The following UFSP2 variants were observed in gnomAD, a reference collection of about 807,000 sequenced individuals.
UFSP2 encodes UFM1 specific peptidase 2, also known as ufm1-specific protease 2.
Under a neutral mutation model 60.2 loss-of-function variants are expected in UFSP2, and 43 were observed. The ratio of observed to expected loss-of-function variants is 0.71; its 90% confidence interval spans 0.56 to 0.92. UFSP2 has a LOEUF of 0.92. UFSP2 is among the 40% of genes least tolerant of loss of function. The pLI is 0.00. For missense variants in UFSP2, 520 were observed against 575.0 expected (o/e 0.90, Z 0.98); for synonymous variants, 183 against 195.1 (o/e 0.94, Z 0.52).
rs1580052267 is a variant in UFSP2 at position 185,405,706 on chromosome 4, C to T, written c.1198+74G>A. 6.7e-6 allele frequency: 10 copies of T among 1,492,106 alleles called. No individual in the cohort carries two copies. In the Middle Eastern group the frequency reaches 8.7e-4, roughly 130 times the overall value. 92.4% of individuals were successfully genotyped at this position (1,492,106 alleles called of 1,614,324 possible). ...TTTTTAAATGACTGATTTTATGCAA[C>T]ATTAAATATTTATATCAATGATAAG... On this transcript the variant is annotated intron_variant, in intron 10 of 11. Transcript: ENST00000264689.
At position 185,425,506 on chromosome 4, in the gene UFSP2, G is replaced by A. The variant is rs187916225; in HGVS notation, c.3+360C>T. 1.0e-3 allele frequency among the ~76,000 whole-genome samples: 153 copies of A among 152,272 alleles called. 1 individual carries two copies. The highest frequency in any genetic ancestry group is 3.6e-3 in the African/African-American group (151 of 41,560). ...TGAGACAGGAGAGAAACCAGGGGAG[G>A]GAAATACCACGGGAACTAGGGGAAT... On this transcript the variant is annotated intron_variant, in intron 1 of 11. Coordinates refer to ENST00000264689, the MANE Select transcript of UFSP2 (RefSeq NM_018359.5).
In UFSP2 at chr4:185,422,485, C is replaced by T. The variant is rs759838844; in HGVS notation, c.82G>A (p.Glu28Lys). 2 of 1,607,014 alleles carry T rather than the reference C, an allele frequency of 1.2e-6. No homozygotes were observed. The highest frequency in any genetic ancestry group is 1.7e-6 in the Non-Finnish European group (2 of 1,177,282). ...DLAFQLATPNEIFLKKALKHV... is the reference protein window; with the variant it reads ...DLAFQLATPNKIFLKKALKHV... The stretch of plus-strand genomic sequence containing the variant: ...AAAAAGAATTTTTCAGAAGACCTAC[C>T]ATTAGGAGTAGCTAGCTGAAAAGCC... Residue 28 changes from glutamate to lysine, a missense_variant and splice_region_variant, in exon 2 of 12, where the codon GAA (glutamate) becomes AAA (lysine). By Grantham distance (56) the Glu-to-Lys change is moderately conservative. Coordinates refer to ENST00000264689, the MANE Select transcript of UFSP2 (RefSeq NM_018359.5).
intron 4 of UFSP2, among the ~76,000 whole-genome samples, chr4:185,416,623 G>A (rs527827445): frequency 6.6e-6 from 1 of 152,180 alleles, no homozygotes; most frequent in Non-Finnish European, 1.5e-5. Flanking sequence ...TGTGTGGATA[G>A]TATAAAAGTA....
At chr4:185,403,966 C>CAAAAAAAA (rs779330516) in intron 10 of UFSP2, among the ~76,000 whole-genome samples, 1 of 85,118 alleles carries the variant, frequency 1.2e-5, no homozygotes, top group African/African-American at 4.2e-5. Flanking sequence ...GCAAGACTCT[C>CAAAAAAAA]AAAAAAAAAA....
rs2095559679 is a variant in UFSP2, at chr4:185,425,959, CG to C, written c.-92del. 2 of 1,488,532 alleles carry C rather than the reference CG, an allele frequency of 1.3e-6. No individual in the cohort carries two copies. The highest frequency in any genetic ancestry group is 1.4e-5 in the African/African-American group (1 of 72,446). 92.2% of individuals were successfully genotyped at this position (1,488,532 alleles called of 1,614,324 possible). A position where few individuals can be genotyped will look rare whatever the true frequency, so the allele number is the denominator to read the frequency against. On this transcript the variant is annotated 5_prime_UTR_variant, in exon 1 of 12. Coordinates refer to ENST00000264689, the MANE Select transcript of UFSP2 (RefSeq NM_018359.5). ...GTGGTGTCACCGCACGGCCCAGGGG[CG>C]GGGCCCGGGCGGACCAACTACAACT...
At chr4:185,406,720 C>T (rs1471303348) in intron 9 of UFSP2, among the ~76,000 whole-genome samples, 3 of 151,984 alleles carry the variant, frequency 2.0e-5, no homozygotes, top group South Asian at 2.1e-4. Context: ...GGATTACAGA[C>T]GTGTGCCACC....
intron 4 of UFSP2, among the ~76,000 whole-genome samples, chr4:185,416,828 A>G (rs1302695494): frequency 6.6e-6 from 1 of 152,242 alleles, no homozygotes; most frequent in African/African-American, 2.4e-5. Flanking sequence ...TGATAGTACC[A>G]GATTATAAAC....
chr4:185,425,801 C>T, intron 1 of UFSP2, 65 bp downstream of exon 1: 1 of 1,575,980 alleles, frequency 6.3e-7, no homozygotes, highest in South Asian at 1.2e-5. Context: ...CTGTGAAGCC[C>T]GCTCGTGGCG....
intron 9 of UFSP2, 121 bp downstream of exon 9, chr4:185,407,815 T>G: frequency 9.0e-7 from 1 of 1,115,942 alleles, no homozygotes; most frequent in South Asian, 2.0e-5. Context: ...CAATGAGTAA[T>G]AAGGAAGAAG....
At chr4:185,410,076 A>T (rs190618387) in intron 7 of UFSP2, among the ~76,000 whole-genome samples, 10 of 152,344 alleles carry the variant, frequency 6.6e-5, no homozygotes, top group Non-Finnish European at 1.0e-4. Context: ...ACAAGTTTCA[A>T]TAAATTTCAG....
At chr4:185,417,460 T>C (rs1331005223) in intron 4 of UFSP2, among the ~76,000 whole-genome samples, 3 of 152,168 alleles carry the variant, frequency 2.0e-5, no homozygotes, top group Non-Finnish European at 4.4e-5. Flanking sequence ...AAGAAACTGA[T>C]CTTGCCAGTT....
chr4:185,424,392 A>G (rs1307529650), intron 1 of UFSP2, among the ~76,000 whole-genome samples: 1 of 152,200 alleles, frequency 6.6e-6, no homozygotes, highest in Non-Finnish European at 1.5e-5. Flanking sequence ...AACAGTATTA[A>G]ATAGGTACCA....
intron 7 of UFSP2, among the ~76,000 whole-genome samples, chr4:185,410,191 T>C (rs1184362090): frequency 1.3e-5 from 2 of 151,900 alleles, no homozygotes; most frequent in East Asian, 3.9e-4. Flanking sequence ...TCTGACATAT[T>C]TGGACATTAA....
At chr4:185,412,549 G>A (rs959494744) in intron 7 of UFSP2, among the ~76,000 whole-genome samples, 1 of 152,172 alleles carries the variant, frequency 6.6e-6, no homozygotes, top group African/African-American at 2.4e-5. Context: ...ACTGAGAGGT[G>A]CAGAGTTAGC....
chr4:185,421,032 C>T (rs188914547), intron 2 of UFSP2, among the ~76,000 whole-genome samples: 1 of 152,198 alleles, frequency 6.6e-6, no homozygotes, highest in African/African-American at 2.4e-5. Flanking sequence ...GGAACAGCTA[C>T]ACTCTACTAA....
At chr4:185,413,575 A>C (rs181065187) in intron 7 of UFSP2, 151 bp downstream of exon 7, 3 of 699,572 alleles carry the variant, frequency 4.3e-6, no homozygotes, top group African/African-American at 3.7e-5. Context: ...AATTACTGCT[A>C]TCTTAAGCAA....
In UFSP2 at chr4:185,399,604, C is replaced by G. The variant is rs2095510593; in HGVS notation, c.*788G>C. On this transcript the variant is annotated 3_prime_UTR_variant, in exon 12 of 12. Coordinates refer to ENST00000264689, the MANE Select transcript of UFSP2 (RefSeq NM_018359.5). ...TAAGAACGGGCAAACAGCTGAAGAT[C>G]TCGCTTGGTCATGTGGATTTCCAGA... 3 of 1,614,192 alleles carry G rather than the reference C, an allele frequency of 1.9e-6. No individual in the cohort carries two copies. Among genetic ancestry groups the G allele is most frequent in the Non-Finnish European group, 2.5e-6 (3 of 1,180,016 alleles).
At chr4:185,422,709 AAAAAAC>A (rs1391356846) in intron 1 of UFSP2, 146 bp from the exon 2 acceptor site, 3 of 673,450 alleles carry the variant, frequency 4.5e-6, no homozygotes, top group South Asian at 4.8e-5. Context: ...TGTTTTATAG[AAAAAAC>A]AAAAACAAAA....
intron 7 of UFSP2, among the ~76,000 whole-genome samples, chr4:185,413,435 T>C (rs1161748671): frequency 1.3e-5 from 2 of 152,124 alleles, no homozygotes; most frequent in Non-Finnish European, 2.9e-5. Context: ...GGGTAGACTA[T>C]GCCCTTAATT....
Sources: allele counts gnomAD v4.1 joint callset (sites outside exome capture counted in the v4.1 genomes callset), GRCh38; gene constraint gnomAD v4.1.1; transcripts MANE v1.5; gene names NCBI Gene and HGNC (gene_info 2026-07-23, HGNC 2026-07-21).